Variants in MUSK observed in about 807,000 individuals in gnomAD.
The protein encoded by MUSK is muscle associated receptor tyrosine kinase, also known as muscle, skeletal receptor tyrosine-protein kinase.
MUSK carries 55 observed loss-of-function variants against 88.7 expected under a neutral mutation model. The ratio of observed to expected loss-of-function variants is 0.62; its 90% CI spans 0.50 to 0.78. MUSK has a LOEUF of 0.78. Among genes scored for constraint, MUSK ranks in the 30% least tolerant of loss-of-function variants. The probability of loss-of-function intolerance (pLI) is 0.00; values close to 1 mark genes in which losing one functional copy is unlikely to be tolerated. For synonymous variants in MUSK, 387 were observed against 391.9 expected (o/e 0.99, Z 0.15); for missense variants, 1,015 against 1,074.3 (o/e 0.94, Z 0.77).
intron 5 of MUSK, among the ~76,000 whole-genome samples, chr9:110,713,148 G>C (rs1459408557): frequency 6.6e-6 from 1 of 152,142 alleles, no homozygotes; most frequent in Non-Finnish European, 1.5e-5. Flanking sequence ...AGAAGGATTA[G>C]AGAGTTTGGG....
intron 3 of MUSK, among the ~76,000 whole-genome samples, chr9:110,688,659 C>A (rs908060001): frequency 6.6e-6 from 1 of 151,638 alleles, no homozygotes; most frequent in South Asian, 2.2e-4. Flanking sequence ...TGTTTCCCCC[C>A]ATGTGTTCAT....
intron 3 of MUSK, among the ~76,000 whole-genome samples, chr9:110,689,559 A>AT (rs2076263115): frequency 1.0e-5 from 1 of 97,746 alleles, no homozygotes; most frequent in Non-Finnish European, 1.8e-5. Flanking sequence ...ATATTTATAT[A>AT]TTATATATAT....
chr9:110,751,086 A>G (rs1172763248), intron 7 of MUSK, among the ~76,000 whole-genome samples: 1 of 152,164 alleles, frequency 6.6e-6, no homozygotes, highest in Non-Finnish European at 1.5e-5. Flanking sequence ...AGGGGAACCT[A>G]ATAAAATGGG....
chr9:110,730,024 G>GGA (rs2076942901), intron 5 of MUSK, among the ~76,000 whole-genome samples: 1 of 151,948 alleles, frequency 6.6e-6, no homozygotes, highest in Admixed American at 6.6e-5. Flanking sequence ...TTTGAAATAA[G>GGA]GAGAGAGAGA....
In MUSK at chr9:110,682,690, T is replaced by A; in HGVS notation, c.96T>A (p.Thr32=). Reference sequence around the variant, plus strand: ...TCCTTTCAGCTCCTGTCATCACCACTCCTCTTGAAACAGTGGATGCCTTAG... The same window carrying A: ...TCCTTTCAGCTCCTGTCATCACCACACCTCTTGAAACAGTGGATGCCTTAG... ...EKLPKAPVIT[T]PLETVDALVE... is the part of the protein sequence containing the mutation. Residue 32 remains threonine, a synonymous_variant, in exon 2 of 15, where the codon ACT becomes ACA. Coordinates refer to ENST00000374448, the MANE Select transcript of MUSK (RefSeq NM_005592.4). 1 of 1,612,420 alleles carries A rather than the reference T, an allele frequency of 6.2e-7. No individual in the cohort carries two copies. The highest frequency in any genetic ancestry group is 8.5e-7 in the Non-Finnish European group (1 of 1,178,862).
At chr9:110,699,645 C>T (rs1000000530) in intron 5 of MUSK, among the ~76,000 whole-genome samples, 7 of 151,968 alleles carry the variant, frequency 4.6e-5, no homozygotes, top group African/African-American at 1.7e-4. Context: ...AAAAAAGCAA[C>T]TGAGAAATGA....
At chr9:110,784,757 C>CA (rs1402443914) in intron 11 of MUSK, 58 bp from the exon 12 acceptor site, 8 of 1,373,084 alleles carry the variant, frequency 5.8e-6, no homozygotes, top group Non-Finnish European at 7.0e-6. Context: ...TGCTTAAATA[C>CA]AAAAAATTGC....
chr9:110,798,701 C>T (rs936354551), intron 14 of MUSK, among the ~76,000 whole-genome samples: 5 of 152,084 alleles, frequency 3.3e-5, no homozygotes, highest in Non-Finnish European at 7.4e-5. Context: ...ATACAGTCTT[C>T]CTCTCAATAA....
At chr9:110,749,904 T>C (rs902651018) in intron 7 of MUSK, among the ~76,000 whole-genome samples, 2 of 152,166 alleles carry the variant, frequency 1.3e-5, no homozygotes, top group African/African-American at 4.8e-5. Flanking sequence ...CAGGAGATAA[T>C]AGAATACTCA....
chr9:110,756,243 T>C (rs1587997555), intron 7 of MUSK, among the ~76,000 whole-genome samples: 1 of 151,400 alleles, frequency 6.6e-6, no homozygotes, highest in East Asian at 1.9e-4. Context: ...CTTTGGAGGG[T>C]CCTTCGGAAG....
At chr9:110,752,892 A>C (rs781143399) in intron 7 of MUSK, among the ~76,000 whole-genome samples, 1 of 152,144 alleles carries the variant, frequency 6.6e-6, no homozygotes, top group Non-Finnish European at 1.5e-5. Context: ...CATCAAAAGG[A>C]GTCAGAAAAA....
At chr9:110,740,384 T>A (rs747631852) in intron 6 of MUSK, among the ~76,000 whole-genome samples, 3 of 152,152 alleles carry the variant, frequency 2.0e-5, no homozygotes, top group Non-Finnish European at 4.4e-5. Flanking sequence ...TCTCCCTGTA[T>A]TCTCACAGGG....
chr9:110,731,552 C>T (rs1443903118), intron 5 of MUSK, among the ~76,000 whole-genome samples: 1 of 152,032 alleles, frequency 6.6e-6, no homozygotes, highest in Non-Finnish European at 1.5e-5. Context: ...GAGAAAGCAG[C>T]TTCCCTTTAA....
chr9:110,717,448 C>T (rs2076758243), intron 5 of MUSK, among the ~76,000 whole-genome samples: 1 of 149,968 alleles, frequency 6.7e-6, no homozygotes, highest in African/African-American at 2.5e-5. Context: ...CCCTCATCCT[C>T]TGTCACTTTC....
intron 5 of MUSK, among the ~76,000 whole-genome samples, chr9:110,717,889 A>G (rs4415391): frequency 0.84 from 127,292 of 152,104 alleles, 53,701 homozygotes; most frequent in East Asian, 0.93. Context: ...TTTGTCATAG[A>G]ATCTGTATTA....
At chr9:110,762,322 GTA>G in intron 8 of MUSK, 114 bp downstream of exon 8, 1 of 698,336 alleles carries the variant, frequency 1.4e-6, no homozygotes. Flanking sequence ...GTGCGGTGGA[GTA>G]TGTTTTGTTT....
intron 11 of MUSK, among the ~76,000 whole-genome samples, chr9:110,780,445 C>T (rs954401376): frequency 6.6e-6 from 1 of 152,178 alleles, no homozygotes; most frequent in Non-Finnish European, 1.5e-5. Flanking sequence ...AGCCAAGACT[C>T]CACCCATCAC....
intron 1 of MUSK, among the ~76,000 whole-genome samples, chr9:110,675,031 C>G (rs2076006280): frequency 6.6e-6 from 1 of 152,040 alleles, no homozygotes; most frequent in African/African-American, 2.4e-5. Flanking sequence ...GCACAGTGCT[C>G]CATGTGGACC....
intron 6 of MUSK, among the ~76,000 whole-genome samples, chr9:110,746,417 C>T (rs2131873282): frequency 6.6e-6 from 1 of 152,278 alleles, no homozygotes; most frequent in Non-Finnish European, 1.5e-5. Flanking sequence ...AATGACTGCT[C>T]ATTTGTTCTC....
Sources: gnomAD v4.1 joint callset for allele counts (sites outside exome capture counted in the v4.1 genomes callset) on GRCh38, gnomAD v4.1.1 for gene constraint, MANE v1.5 for transcripts, NCBI Gene and HGNC (gene_info 2026-07-23, HGNC 2026-07-21) for gene names.